Variants in UBAP1L observed in about 807,000 individuals in gnomAD.
UBAP1L encodes the protein ubiquitin associated protein 1 like.
UBAP1L carries 32 observed loss-of-function variants against 32.1 expected under a neutral mutation model. The ratio of observed to expected loss-of-function variants is 1.00; its 90% CI spans 0.75 to 1.34. The LOEUF (loss-of-function observed/expected upper bound fraction) is 1.34, where lower values mean the gene tolerates loss of function less well. Ranked by LOEUF, UBAP1L falls within the 40% of genes most tolerant of loss-of-function variation. The probability of loss-of-function intolerance (pLI) is 0.00; values close to 1 mark genes in which losing one functional copy is unlikely to be tolerated. For synonymous variants in UBAP1L, 243 were observed against 250.2 expected (o/e 0.97, Z 0.27); for missense variants, 516 against 540.5 (o/e 0.95, Z 0.45).
intron 1 of UBAP1L, among the ~76,000 whole-genome samples, chr15:65,112,276 T>A (rs2087373920): frequency 6.6e-6 from 1 of 152,040 alleles, no homozygotes; most frequent in Non-Finnish European, 1.5e-5. Flanking sequence ...CAGTACGAAG[T>A]AAAATTGAAA....
chr15:65,104,306 C>CAG (rs531575764), intron 2 of UBAP1L, among the ~76,000 whole-genome samples: 9 of 143,948 alleles, frequency 6.3e-5, no homozygotes, highest in South Asian at 4.5e-4. Context: ...GAGAGCGAGA[C>CAG]AGAGAGAGAG....
chr15:65,094,481 C>G lies in UBAP1L; in HGVS notation c.1005G>C (p.Glu335Asp). Residue 335 changes from glutamate (E) to aspartate (D), a missense_variant, in exon 5 of 6, where the codon GAG becomes GAC. By Grantham distance (45) the Glu-to-Asp change is conservative. Coordinates refer to ENST00000559089, the MANE Select transcript of UBAP1L (RefSeq NM_001163692.2). This position sits in a 1 kb window ranked among gnomAD's most constrained non-coding sequence, Gnocchi z 4.2. ...GGCAGGAAGCCCTGCTGACCTGGCT[C>G]TCGGAGAACTGGAACATCTCCATGG... ...DEAMEMFQFS[E>D]SQAGEFLRLW... 1.3e-6 allele frequency: 2 copies of G among 1,550,278 alleles called. No homozygotes were observed. The highest frequency in any genetic ancestry group is 2.4e-5 in the East Asian group (1 of 40,916).
chr15:65,103,411 T>C (rs1360226756), intron 2 of UBAP1L, among the ~76,000 whole-genome samples: 1 of 152,204 alleles, frequency 6.6e-6, no homozygotes, highest in East Asian at 1.9e-4. Context: ...CTAGAGTTTA[T>C]AAAATGAGGC....
At position 65,099,705 on chromosome 15, in the gene UBAP1L, G is replaced by C. The variant is rs748894713; in HGVS notation, c.709C>G (p.Pro237Ala). 6.5e-7 allele frequency: 1 copy of C among 1,548,372 alleles called. No homozygotes were observed. The highest frequency in any genetic ancestry group is 2.4e-5 in the East Asian group (1 of 40,844). The change falls in exon 4 of 6, where the codon CCG becomes GCG. Residue 237 changes from proline (P) to alanine (A), a missense_variant. Transcript: ENST00000559089. ...SHKPTVASLSPYTCLPPLGGA... is the reference protein window; with the variant it reads ...SHKPTVASLSAYTCLPPLGGA... ...CCAAGAGGTGGCAGACAGGTGTACG[G>C]GCTGAGGGACTGAAATACAGACAGA... is the stretch of plus-strand genomic sequence containing the variant.
chr15:65,112,715 C>A (rs78840123), intron 1 of UBAP1L, among the ~76,000 whole-genome samples: 9,048 of 152,254 alleles, frequency 0.059, 456 homozygotes, highest in Admixed American at 0.15. Flanking sequence ...CAACTGCCTA[C>A]ACAGTGTCTC....
Position 65,104,073 on chromosome 15 carries a change from G to A in UBAP1L, c.121-1389C>T, listed in dbSNP as rs565273083. Among the ~76,000 whole-genome samples, 12 of 152,212 alleles carry A rather than the reference G, an allele frequency of 7.9e-5. No homozygotes were observed. The East Asian group carries it at 2.1e-3, about 27-fold the overall frequency. On this transcript the variant is annotated intron_variant, in intron 2 of 5. Coordinates refer to ENST00000559089, the MANE Select transcript of UBAP1L (RefSeq NM_001163692.2). ...TCAAGACCAGCCTGGCCAACATGGC[G>A]AAACCCCACCTCTACTAAAACTATA...
chr15:65,103,167 T>C (rs942249568), intron 2 of UBAP1L, among the ~76,000 whole-genome samples: 2 of 152,198 alleles, frequency 1.3e-5, no homozygotes, highest in African/African-American at 2.4e-5. Flanking sequence ...TACTTTGGGG[T>C]CCTGGAAATG....
chr15:65,102,505 T>C lies in UBAP1L; in HGVS notation c.300A>G (p.Gly100=), dbSNP rs373855851. Reference sequence around the variant, plus strand: ...CCTCCTCCTCCGGCCTCTCCTGGTGTCCGGCCTCCGGGTCTCTGATTGTGG... The same window carrying C: ...CCTCCTCCTCCGGCCTCTCCTGGTGCCCGGCCTCCGGGTCTCTGATTGTGG... ...APTTIRDPEA[G]HQERPEEEGE... Residue 100 remains glycine (G), a synonymous_variant, in exon 3 of 6, where the codon GGA becomes GGG. Transcript: ENST00000559089. The surrounding 1 kb of genome is among the most constrained non-coding windows in gnomAD (Gnocchi z 5.0). The C allele has an allele frequency of 3.9e-5, 58 of 1,468,380 alleles. No individual in the cohort carries two copies. The Admixed American group carries it at 1.4e-3, about 36-fold the overall frequency. The allele number at this position is 1,468,380 out of a possible 1,614,324, so 91.0% of individuals were successfully genotyped here. A position where few individuals can be genotyped will look rare whatever the true frequency, so the allele number is the denominator to read the frequency against.
At position 65,099,632 on chromosome 15, in the gene UBAP1L, G is replaced by A. The variant is rs533895547; in HGVS notation, c.782C>T (p.Ala261Val). ...GCTCAGGGCGGACAGCAGGTCAGCC[G>A]CAGTATCAGGGTGTGACTTGTGGGG... is the stretch of plus-strand genomic sequence containing the variant. ...LNPHKSHPDT[A>V]ADLLSALSQE... Residue 261 changes from alanine to valine, a missense_variant, in exon 4 of 6, where the codon GCG (alanine) becomes GTG (valine). Transcript: ENST00000559089. 1.4e-4 allele frequency: 211 copies of A among 1,551,514 alleles called. No individual in the cohort carries two copies. Among genetic ancestry groups the A allele is most frequent in the Admixed American group, 1.6e-4 (8 of 50,984 alleles).
intron 2 of UBAP1L, chr15:65,104,910 G>A (rs1415213345): frequency 2.4e-5 from 10 of 413,154 alleles, no homozygotes; most frequent in Non-Finnish European, 4.3e-5. Flanking sequence ...GGGAGACCAT[G>A]GCACGAGAAT....
chr15:65,104,987 C>G, intron 2 of UBAP1L: 1 of 208,084 alleles, frequency 4.8e-6, no homozygotes, highest in Non-Finnish European at 9.8e-6. Flanking sequence ...AGCCTGGTGA[C>G]AGAGCGAGAC....
In UBAP1L at chr15:65,094,436, C is replaced by A. The variant is rs1233206654; in HGVS notation, c.1011+39G>T. ...CGGGCTCCTGGGTACACCCCCATCC[C>A]TTCCATCCCCTGGGGCCCTGGCAGG... On this transcript the variant is annotated intron_variant, in intron 5 of 5. Coordinates refer to ENST00000559089, the MANE Select transcript of UBAP1L (RefSeq NM_001163692.2). The surrounding 1 kb of genome is among the most constrained non-coding windows in gnomAD (Gnocchi z 4.2). 6.8e-7 allele frequency: 1 copy of A among 1,475,150 alleles called. No homozygotes were observed. Among genetic ancestry groups the A allele is most frequent in the Non-Finnish European group, 9.2e-7 (1 of 1,087,024 alleles). The allele number at this position is 1,475,150 out of a possible 1,614,324, so 91.4% of individuals were successfully genotyped here. A position where few individuals can be genotyped will look rare whatever the true frequency, so the allele number is the denominator to read the frequency against.
chr15:65,094,808 G>T lies in UBAP1L; in HGVS notation c.910-232C>A. On this transcript the variant is annotated intron_variant, in intron 4 of 5. Transcript: ENST00000559089. This position sits in a 1 kb window ranked among gnomAD's most constrained non-coding sequence, Gnocchi z 4.2. ...CTTCACCAACTATGCCAAGCTGGGG[G>T]CTGGACTCCAGGAAAAGGGCTGTCA... 1.8e-6 allele frequency: 1 copy of T among 566,390 alleles called. No individual in the cohort carries two copies. The highest frequency in any genetic ancestry group is 3.2e-6 in the Non-Finnish European group (1 of 314,692). 35.1% of individuals were successfully genotyped at this position (566,390 alleles called of 1,614,324 possible). A position where few individuals can be genotyped will look rare whatever the true frequency, so the allele number is the denominator to read the frequency against.
At chr15:65,104,356 A>G (rs539586922) in intron 2 of UBAP1L, among the ~76,000 whole-genome samples, 6 of 151,094 alleles carry the variant, frequency 4.0e-5, no homozygotes, top group African/African-American at 1.2e-4. Flanking sequence ...AAAGAAAAGA[A>G]AAAGAAAAAG....
Position 65,099,962 on chromosome 15 carries a change from G to A in UBAP1L, c.700-248C>T, listed in dbSNP as rs570089569. On this transcript the variant is annotated intron_variant, in intron 3 of 5. Coordinates refer to ENST00000559089, the MANE Select transcript of UBAP1L (RefSeq NM_001163692.2). ...GAGACTTAAATAAGACAATGTGAGG[G>A]ACTGGGCGCGGTGGCTCATGGCTGT... 1.3e-4 allele frequency: 48 copies of A among 376,540 alleles called. No homozygotes were observed. In the South Asian group the frequency reaches 2.3e-3, roughly 18 times the overall value. The allele number at this position is 376,540 out of a possible 1,614,324, so 23.3% of individuals were successfully genotyped here. A position where few individuals can be genotyped will look rare whatever the true frequency, so the allele number is the denominator to read the frequency against.
chr15:65,105,849 G>T (rs2087303017), intron 2 of UBAP1L: 5 of 692,300 alleles, frequency 7.2e-6, no homozygotes, highest in Non-Finnish European at 1.3e-5. Flanking sequence ...GAAATGCAGT[G>T]GCACAATCTT....
chr15:65,098,217 T>G (rs1253409560), intron 4 of UBAP1L: 3 of 152,216 alleles, frequency 2.0e-5, no homozygotes, highest in Non-Finnish European at 4.4e-5. Context: ...TTTTCTCATC[T>G]CCTACCAGCC....
Position 65,102,363 on chromosome 15 carries a change from G to C in UBAP1L, c.442C>G (p.Leu148Val). ...GCCAGCTCCAACCGCACGCCGCGTA[G>C]CACGTCCAGCGAGCACAGGCGACGG... ...PGRRLCSLDV[L>V]RGVRLELAGA... is the part of the protein sequence containing the mutation. The change falls in exon 3 of 6, where the codon CTA (leucine) becomes GTA (valine). Residue 148 changes from leucine (L) to valine (V), a missense_variant. Coordinates refer to ENST00000559089, the MANE Select transcript of UBAP1L (RefSeq NM_001163692.2). This position sits in a 1 kb window ranked among gnomAD's most constrained non-coding sequence, Gnocchi z 5.0. The C allele has an allele frequency of 6.8e-7, 1 of 1,478,104 alleles. No individual in the cohort carries two copies. The allele number at this position is 1,478,104 out of a possible 1,614,324, so 91.6% of individuals were successfully genotyped here. A position where few individuals can be genotyped will look rare whatever the true frequency, so the allele number is the denominator to read the frequency against.
rs1595917962 is a variant in UBAP1L at position 65,094,406 on chromosome 15, C to T, written c.1011+69G>A. 1 of 1,170,566 alleles carries T rather than the reference C, an allele frequency of 8.5e-7. No homozygotes were observed. Among genetic ancestry groups the T allele is most frequent in the East Asian group, 2.6e-5 (1 of 39,040 alleles). The allele number at this position is 1,170,566 out of a possible 1,614,324, so 72.5% of individuals were successfully genotyped here. On this transcript the variant is annotated intron_variant, in intron 5 of 5. Coordinates refer to ENST00000559089, the MANE Select transcript of UBAP1L (RefSeq NM_001163692.2). The surrounding 1 kb of genome is among the most constrained non-coding windows in gnomAD (Gnocchi z 4.2). ...GGCTCTGAGGACTGGTGTGGCCCTG[C>T]ACACCGGGCTCCTGGGTACACCCCC...
Sources: gnomAD v4.1 joint callset for allele counts (sites outside exome capture counted in the v4.1 genomes callset) on GRCh38, gnomAD v4.1.1 for gene constraint, Gnocchi (gnomAD v3.1) non-coding constraint, MANE v1.5 for transcripts, NCBI Gene and HGNC (gene_info 2026-07-23, HGNC 2026-07-21) for gene names.